The following GALNTL6 variants were observed in gnomAD, a reference collection of about 807,000 sequenced individuals.
GALNTL6 encodes polypeptide N-acetylgalactosaminyltransferase-like 6.
Under a neutral mutation model 73.7 loss-of-function variants are expected in GALNTL6, and 46 were observed. The observed-to-expected ratio is 0.62, with a 90% CI of 0.49 to 0.80. The LOEUF is 0.80. Among genes scored for constraint, GALNTL6 ranks in the 30% least tolerant of loss-of-function variants. GALNTL6 has a pLI of 0.00. For missense variants in GALNTL6, 604 were observed against 755.0 expected (o/e 0.80, Z 2.34); for synonymous variants, 259 against 263.7 (o/e 0.98, Z 0.17).
intron 8 of GALNTL6, among the ~76,000 whole-genome samples, chr4:172,925,056 T>A (rs1477654820): frequency 6.6e-6 from 1 of 151,970 alleles, no homozygotes; most frequent in Non-Finnish European, 1.5e-5. Flanking sequence ...GTATTTTTAG[T>A]AGAGACGGGG....
chr4:172,686,054 G>A (rs1025166935), intron 5 of GALNTL6, among the ~76,000 whole-genome samples: 3 of 152,136 alleles, frequency 2.0e-5, no homozygotes, highest in African/African-American at 7.2e-5. Context: ...AAAATAATTA[G>A]ACCACTATAT....
intron 5 of GALNTL6, among the ~76,000 whole-genome samples, chr4:172,657,958 G>A (rs1176314654): frequency 6.6e-6 from 1 of 150,520 alleles, no homozygotes; most frequent in East Asian, 2.0e-4. Flanking sequence ...AGACCATCCC[G>A]GCTAAAACGG....
intron 2 of GALNTL6, among the ~76,000 whole-genome samples, chr4:171,897,272 A>G (rs1283367789): frequency 6.6e-6 from 1 of 152,192 alleles, no homozygotes; most frequent in East Asian, 1.9e-4. Context: ...ATTGGCATTC[A>G]TATGTAAAAT....
At chr4:172,394,256 T>C (rs573726336) in intron 5 of GALNTL6, among the ~76,000 whole-genome samples, 18 of 152,130 alleles carry the variant, frequency 1.2e-4, no homozygotes, top group Non-Finnish European at 2.1e-4. Context: ...AAAAGCATTT[T>C]CAAACATATA....
intron 8 of GALNTL6, among the ~76,000 whole-genome samples, chr4:172,905,495 ATTTAGTTCTAAAG>A (rs1470831041): frequency 6.6e-6 from 1 of 152,200 alleles, no homozygotes; most frequent in East Asian, 1.9e-4. Context: ...AGTACAGAGC[ATTTAGTTCTAAAG>A]AACAAATTCA....
intron 5 of GALNTL6, among the ~76,000 whole-genome samples, chr4:172,410,203 T>A (rs1212472847): frequency 6.6e-6 from 1 of 152,040 alleles, no homozygotes; most frequent in Non-Finnish European, 1.5e-5. Context: ...ATGAAGCTTA[T>A]TTTACTATGT....
chr4:172,648,269 A>T (rs1451060593), intron 5 of GALNTL6, among the ~76,000 whole-genome samples: 3 of 152,130 alleles, frequency 2.0e-5, no homozygotes, highest in Non-Finnish European at 2.9e-5. Context: ...CAGGCTTCAG[A>T]AATACAGCTC....
intron 2 of GALNTL6, among the ~76,000 whole-genome samples, chr4:172,037,197 G>A (rs1275192656): frequency 3.9e-5 from 6 of 152,070 alleles, no homozygotes; most frequent in Non-Finnish European, 7.4e-5. Flanking sequence ...GTCACTTAAC[G>A]TGTATCAATA....
intron 5 of GALNTL6, among the ~76,000 whole-genome samples, chr4:172,409,501 G>A (rs1744358657): frequency 1.3e-5 from 2 of 151,814 alleles, no homozygotes; most frequent in Admixed American, 6.6e-5. Context: ...CCTATTAGTT[G>A]GTACTTGTTC....
chr4:172,303,775 T>C (rs531942922), intron 3 of GALNTL6, among the ~76,000 whole-genome samples: 2 of 152,318 alleles, frequency 1.3e-5, no homozygotes, highest in South Asian at 4.1e-4. Context: ...CTAAGCTTGT[T>C]TATCTTACAT....
intron 10 of GALNTL6, among the ~76,000 whole-genome samples, chr4:172,981,802 T>A (rs1751075112): frequency 6.7e-6 from 1 of 148,620 alleles, no homozygotes; most frequent in South Asian, 2.2e-4. Flanking sequence ...ACGTCTTTTT[T>A]TTTTTTTTTT....
chr4:172,994,644 A>G (rs896722595), intron 10 of GALNTL6, among the ~76,000 whole-genome samples: 1 of 152,222 alleles, frequency 6.6e-6, no homozygotes, highest in Non-Finnish European at 1.5e-5. Flanking sequence ...CAGTGCTGAC[A>G]TTCGCAATAG....
intron 2 of GALNTL6, among the ~76,000 whole-genome samples, chr4:171,827,029 A>G (rs926317556): frequency 3.9e-5 from 6 of 152,148 alleles, no homozygotes; most frequent in Non-Finnish European, 7.3e-5. Context: ...GAGTTTATTC[A>G]AATGCAAAAC....
At chr4:172,238,482 C>A (rs1375611369) in intron 3 of GALNTL6, among the ~76,000 whole-genome samples, 1 of 152,030 alleles carries the variant, frequency 6.6e-6, no homozygotes, top group Non-Finnish European at 1.5e-5. Context: ...GTTGTTTATA[C>A]AATCTAGGAG....
At chr4:172,878,821 T>C (rs1317315957) in intron 7 of GALNTL6, among the ~76,000 whole-genome samples, 1 of 151,796 alleles carries the variant, frequency 6.6e-6, no homozygotes, top group Non-Finnish European at 1.5e-5. Flanking sequence ...AATAATCCAG[T>C]TGACATGCAA....
At chr4:172,714,456 A>G (rs933050528) in intron 5 of GALNTL6, among the ~76,000 whole-genome samples, 1 of 152,286 alleles carries the variant, frequency 6.6e-6, no homozygotes, top group Non-Finnish European at 1.5e-5. Context: ...TACCTACCTG[A>G]CAGAGTAAGA....
chr4:171,974,153 C>T (rs929392290), intron 2 of GALNTL6, among the ~76,000 whole-genome samples: 8 of 152,132 alleles, frequency 5.3e-5, no homozygotes, highest in Non-Finnish European at 1.2e-4. Flanking sequence ...GCAAGTGCCA[C>T]CACACCCAGC....
chr4:172,263,606 A>T (rs903486812), intron 3 of GALNTL6, among the ~76,000 whole-genome samples: 2 of 151,486 alleles, frequency 1.3e-5, no homozygotes, highest in African/African-American at 4.8e-5. Context: ...ACTTAAATTT[A>T]AATTTTGATG....
At chr4:172,768,059 TTC>T (rs1313189823) in intron 5 of GALNTL6, among the ~76,000 whole-genome samples, 2 of 152,220 alleles carry the variant, frequency 1.3e-5, no homozygotes, top group African/African-American at 4.8e-5. Context: ...CAAGGCATTT[TTC>T]TCTCTTTCTT....
Sources: gnomAD v4.1 joint callset for allele counts (sites outside exome capture counted in the v4.1 genomes callset) on GRCh38, gnomAD v4.1.1 for gene constraint, MANE v1.5 for transcripts, NCBI Gene and HGNC (gene_info 2026-07-23, HGNC 2026-07-21) for gene names.